Variants in RC3H2 observed in about 807,000 individuals in gnomAD.
RC3H2 encodes the protein ring finger and CCCH-type domains 2, also known as roquin-2.
RC3H2 carries 31 observed loss-of-function variants against 133.3 expected under a neutral mutation model. That is an observed-to-expected ratio of 0.23 (90% CI 0.17 to 0.31). The LOEUF (loss-of-function observed/expected upper bound fraction) is 0.31, where lower values mean the gene tolerates loss of function less well. RC3H2 is among the 10% of genes least tolerant of loss of function. The pLI, the probability that RC3H2 is intolerant of heterozygous loss-of-function variation, is 1.00. For synonymous variants in RC3H2, 517 were observed against 502.2 expected (o/e 1.03, Z -0.40); for missense variants, 1,175 against 1,437.2 (o/e 0.82, Z 2.95).
At chr9:122,852,723 T>C (rs1337960306) in intron 18 of RC3H2, among the ~76,000 whole-genome samples, 6 of 133,196 alleles carry the variant, frequency 4.5e-5, no homozygotes, top group Admixed American at 3.0e-4. Flanking sequence ...GAGGAGCCCC[T>C]CTGCCCGGCC....
At position 122,849,691 on chromosome 9, in the gene RC3H2, A is replaced by C. The variant is rs1230171187; in HGVS notation, c.3512T>G (p.Val1171Gly). ...SAGNLILKTH[V>G]MSEDKNDFLK... ...AAAGTCGTTTTTATCTTCAGACATA[A>C]CATGAGTTTTCAGAATGAGGTTGCC... is the stretch of plus-strand genomic sequence containing the variant. The change falls in exon 21 of 21, where the codon GTT becomes GGT. Residue 1171 changes from valine (V) to glycine (G), a missense_variant. Around this residue, in one of 8 missense-constraint regions of RC3H2, gnomAD observed 220 missense variants for 201.1 expected, o/e 1.09. Coordinates refer to ENST00000357244, the MANE Select transcript of RC3H2 (RefSeq NM_001100588.3). 23 of 1,613,690 alleles carry C rather than the reference A, an allele frequency of 1.4e-5. No homozygotes were observed. The highest frequency in any genetic ancestry group is 1.9e-5 in the Non-Finnish European group (22 of 1,179,926).
chr9:122,889,364 T>G (rs552615349), intron 4 of RC3H2, among the ~76,000 whole-genome samples: 5 of 152,314 alleles, frequency 3.3e-5, no homozygotes, highest in African/African-American at 4.8e-5. Flanking sequence ...TAAGGATTTC[T>G]GACGTTTGTA....
chr9:122,890,272 C>A (rs377163052), intron 4 of RC3H2, 40 bp downstream of exon 4: 4 of 1,537,782 alleles, frequency 2.6e-6, no homozygotes, highest in Non-Finnish European at 2.7e-6. Flanking sequence ...CCTCAAGCCC[C>A]AATAGCTAAT....
rs2131485370 is a variant in RC3H2 at position 122,890,106 on chromosome 9, A to G, written c.583+206T>C. ...CAGTGAGCCAAGACTGCGCCACTGC[A>G]CTCCAGCCTGGGTGACAGAGTGAGA... On this transcript the variant is annotated intron_variant, in intron 4 of 20. Coordinates refer to ENST00000357244, the MANE Select transcript of RC3H2 (RefSeq NM_001100588.3). The G allele has an allele frequency of 6.5e-6, 4 of 611,778 alleles. No individual in the cohort carries two copies. The South Asian group carries it at 8.0e-5, about 12-fold the overall frequency. The allele number at this position is 611,778 out of a possible 1,614,324, so 37.9% of individuals were successfully genotyped here.
At position 122,865,519 on chromosome 9, in the gene RC3H2, T is replaced by C. The variant is rs1351404331; in HGVS notation, c.1464A>G (p.Lys488=). The C allele has an allele frequency of 6.2e-7, 1 of 1,614,224 alleles. No individual in the cohort carries two copies. The highest frequency in any genetic ancestry group is 8.5e-7 in the Non-Finnish European group (1 of 1,180,036). ...AAATTCCGTTTGTACTTGGAACAAT[T>C]TTCCCTGTTGTTTCAGTACTTCCTA... ...SVIGSTETTG[K]IVPSTNGISN... is the part of the protein sequence containing the mutation. Residue 488 remains lysine, a synonymous_variant, in exon 10 of 21, where the codon AAA becomes AAG. Transcript: ENST00000357244.
chr9:122,859,251 G>GGTTTTTTTT, intron 11 of RC3H2, 149 bp from the exon 12 acceptor site: 4 of 307,260 alleles, frequency 1.3e-5, no homozygotes, highest in East Asian at 2.1e-4. Flanking sequence ...TTATACCCTG[G>GGTTTTTTTT]CTTTTTTTTT....
chr9:122,879,186 A>G (rs1377415218), intron 8 of RC3H2, among the ~76,000 whole-genome samples: 1 of 151,818 alleles, frequency 6.6e-6, no homozygotes, highest in East Asian at 2.0e-4. Flanking sequence ...ACCTGAGGTC[A>G]GGAGTTTGAG....
intron 1 of RC3H2, among the ~76,000 whole-genome samples, chr9:122,902,490 T>C (rs10985814): frequency 0.23 from 34,617 of 152,074 alleles, 5,373 homozygotes; most frequent in East Asian, 0.65. Context: ...TAATATCCGA[T>C]AGAAATATGT....
In RC3H2 at chr9:122,857,508, A is replaced by G. The variant is rs189230364; in HGVS notation, c.2454+415T>C. On this transcript the variant is annotated intron_variant, in intron 13 of 20. Transcript: ENST00000357244. ...ATTTACAGCTGAAAGATCTTGGGCA[A>G]ATTACTTAACTTCTGTAAGATTCCT... Among the ~76,000 whole-genome samples the G allele has an allele frequency of 2.0e-5, 3 of 152,338 alleles. No homozygotes were observed. The East Asian group carries it at 5.8e-4, about 29-fold the overall frequency.
intron 9 of RC3H2, among the ~76,000 whole-genome samples, chr9:122,876,617 G>A (rs1301077282): frequency 6.8e-6 from 1 of 147,566 alleles, no homozygotes; most frequent in Non-Finnish European, 1.5e-5. Context: ...GACAGAGCAA[G>A]ACTCCACCTC....
At chr9:122,892,364 T>C (rs1832217270) in intron 3 of RC3H2, among the ~76,000 whole-genome samples, 1 of 152,126 alleles carries the variant, frequency 6.6e-6, no homozygotes, top group African/African-American at 2.4e-5. Flanking sequence ...CTACCCACCT[T>C]AGCCTTATAA....
At chr9:122,882,199 A>C (rs1350384095) in intron 5 of RC3H2, among the ~76,000 whole-genome samples, 2 of 152,358 alleles carry the variant, frequency 1.3e-5, no homozygotes, top group African/African-American at 4.8e-5. Flanking sequence ...ACACATTCAA[A>C]AGATACAGAG....
intron 10 of RC3H2, among the ~76,000 whole-genome samples, chr9:122,862,069 C>T (rs1343901817): frequency 2.0e-5 from 3 of 152,154 alleles, no homozygotes; most frequent in Non-Finnish European, 2.9e-5. Flanking sequence ...ATGTTATATA[C>T]CTAAAATTTG....
At chr9:122,880,564 T>TA (rs1315686675) in intron 6 of RC3H2, 30 bp downstream of exon 6, 10 of 1,527,262 alleles carry the variant, frequency 6.5e-6, no homozygotes, top group Admixed American at 3.3e-5. Context: ...ACAGCAATGA[T>TA]AGAACATCAG....
At chr9:122,902,255 C>T (rs1832685963) in intron 1 of RC3H2, among the ~76,000 whole-genome samples, 1 of 152,106 alleles carries the variant, frequency 6.6e-6, no homozygotes, top group South Asian at 2.1e-4. Context: ...ACAAGTATAA[C>T]TAATATTAGT....
chr9:122,855,886 A>T lies in RC3H2; in HGVS notation c.2455-8T>A. 2 of 1,594,184 alleles carry T rather than the reference A, an allele frequency of 1.3e-6. No homozygotes were observed. The highest frequency in any genetic ancestry group is 1.7e-6 in the Non-Finnish European group (2 of 1,172,538). ...ACTCACACTCTCTGAGAACTGGTTA[A>T]AAAAAAATAAATAAAGCCAATTAGT... On this transcript the variant is annotated splice_region_variant and splice_polypyrimidine_tract_variant and intron_variant, in intron 13 of 20. Coordinates refer to ENST00000357244, the MANE Select transcript of RC3H2 (RefSeq NM_001100588.3).
rs371832955 is a variant in RC3H2 at position 122,851,316 on chromosome 9, C to A, written c.3231+7G>T. 1 of 1,611,600 alleles carries A rather than the reference C, an allele frequency of 6.2e-7. No homozygotes were observed. Reference sequence around the variant, plus strand: ...AAGCCTCTCAATTATCTAATTGTGGCACTTACTTCAATTGGTTCACTTTGT... The same window carrying A: ...AAGCCTCTCAATTATCTAATTGTGGAACTTACTTCAATTGGTTCACTTTGT... On this transcript the variant is annotated splice_region_variant and intron_variant, in intron 19 of 20. Coordinates refer to ENST00000357244, the MANE Select transcript of RC3H2 (RefSeq NM_001100588.3).
At chr9:122,904,194 A>C (rs750432073) in intron 1 of RC3H2, among the ~76,000 whole-genome samples, 4 of 152,234 alleles carry the variant, frequency 2.6e-5, no homozygotes, top group African/African-American at 7.2e-5. Flanking sequence ...GAAAAAAAGG[A>C]AGGCCGTGGG....
chr9:122,852,409 G>A, intron 18 of RC3H2, among the ~76,000 whole-genome samples: 1 of 151,206 alleles, frequency 6.6e-6, no homozygotes, highest in Non-Finnish European at 1.5e-5. Flanking sequence ...GGGAGGTGGG[G>A]GGGTCAGCCC....
Sources: allele counts gnomAD v4.1 joint callset (sites outside exome capture counted in the v4.1 genomes callset), GRCh38; gene constraint gnomAD v4.1.1; regional missense constraint gnomAD v4.1.1; transcripts MANE v1.5; gene names NCBI Gene and HGNC (gene_info 2026-07-23, HGNC 2026-07-21).